Variants in INVS observed in about 807,000 individuals in gnomAD.
The protein encoded by INVS is inversion of embryo turning homolog.
In INVS, 86 loss-of-function variants were observed where a neutral mutation model predicts 108.8. That is an observed-to-expected ratio of 0.79 (90% CI 0.66 to 0.95). The LOEUF (loss-of-function observed/expected upper bound fraction) is 0.95, where lower values mean the gene tolerates loss of function less well. Ranked by LOEUF, INVS falls within the 40% of genes least tolerant of loss-of-function variation. INVS has a pLI of 0.00. For synonymous variants in INVS, 455 were observed against 473.5 expected (o/e 0.96, Z 0.51); for missense variants, 1,169 against 1,297.4 (o/e 0.90, Z 1.52).
chr9:100,166,501 C>A (rs1276291128), intron 3 of INVS, among the ~76,000 whole-genome samples: 1 of 151,932 alleles, frequency 6.6e-6, no homozygotes, highest in African/African-American at 2.4e-5. Flanking sequence ...CTAGCCTGGG[C>A]AAGAGAATGA....
chr9:100,146,853 G>A lies in INVS; in HGVS notation c.273+20304G>A, dbSNP rs534513118. Among the ~76,000 whole-genome samples, 4 of 152,130 alleles carry A rather than the reference G, an allele frequency of 2.6e-5. No individual in the cohort carries two copies. In the South Asian group the frequency reaches 8.3e-4, roughly 32 times the overall value. ...GCAATTTATTTATTCCTTCATCCAA[G>A]TGCTGTTTCCACTATTGTGAATAGT... On this transcript the variant is annotated intron_variant, in intron 3 of 16. Transcript: ENST00000262457.
In INVS at chr9:100,240,922, C is replaced by T. The variant is rs532767925; in HGVS notation, c.796+682C>T. ...GATGTTGTTATTTGATTTTGAATTG[C>T]CTAATGTTTTAGGAGGGTTTAGGAG... On this transcript the variant is annotated intron_variant, in intron 6 of 16. Transcript: ENST00000262457. Among the ~76,000 whole-genome samples the T allele has an allele frequency of 1.4e-4, 21 of 151,984 alleles. No individual in the cohort carries two copies. The South Asian group carries it at 1.5e-3, about 11-fold the overall frequency.
chr9:100,198,734 G>A (rs1017767973), intron 3 of INVS, among the ~76,000 whole-genome samples: 1 of 150,980 alleles, frequency 6.6e-6, no homozygotes, highest in Non-Finnish European at 1.5e-5. Context: ...CTGGGACTAC[G>A]GGCATGCACC....
chr9:100,229,903 T>G (rs1831452327), intron 5 of INVS, 76 bp downstream of exon 5: 1 of 1,411,694 alleles, frequency 7.1e-7, no homozygotes. Flanking sequence ...TATACAAAAG[T>G]GTATATTTGA....
chr9:100,139,956 T>C (rs578014186), intron 3 of INVS, among the ~76,000 whole-genome samples: 1 of 152,188 alleles, frequency 6.6e-6, no homozygotes, highest in Non-Finnish European at 1.5e-5. Context: ...ATAACCACTT[T>C]AAAGTGAGCA....
intron 14 of INVS, among the ~76,000 whole-genome samples, chr9:100,296,544 T>C (rs917401275): frequency 6.6e-6 from 1 of 152,184 alleles, no homozygotes; most frequent in African/African-American, 2.4e-5. Context: ...TCTTTTAAAA[T>C]CCAGCACAAA....
At chr9:100,288,530 T>A (rs1355419315) in intron 13 of INVS, among the ~76,000 whole-genome samples, 2 of 152,258 alleles carry the variant, frequency 1.3e-5, no homozygotes, top group East Asian at 3.9e-4. Flanking sequence ...AAAATGCCCT[T>A]GAGATTCTTA....
rs1300032589 is a variant in INVS, at chr9:100,226,224, G to A, written c.436G>A (p.Asp146Asn). The change falls in exon 4 of 17, where the codon GAT (aspartate) becomes AAT (asparagine). Residue 146 changes from aspartate to asparagine, a missense_variant. Asp to Asn is a conservative substitution (Grantham distance 23). Coordinates refer to ENST00000262457, the MANE Select transcript of INVS (RefSeq NM_014425.5). ...FMAPGEVDTQ[D>N]KNKQTALHWS... ...GGCACCAGGAGAAGTGGATACACAG[G>A]ATAAAAACAAGGTAATGGATACTCA... 8 of 1,613,822 alleles carry A rather than the reference G, an allele frequency of 5.0e-6. No homozygotes were observed. The highest frequency in any genetic ancestry group is 5.9e-6 in the Non-Finnish European group (7 of 1,179,898).
chr9:100,215,566 C>A (rs1246596300), intron 3 of INVS: 2 of 152,198 alleles, frequency 1.3e-5, no homozygotes, highest in Non-Finnish European at 2.9e-5. Context: ...ATTCCAGATA[C>A]CTGAGGATGG....
intron 14 of INVS, 49 bp downstream of exon 14, chr9:100,293,092 T>A: frequency 1.3e-6 from 2 of 1,518,574 alleles, no homozygotes; most frequent in Non-Finnish European, 1.8e-6. Flanking sequence ...TTACTGATAT[T>A]CTCAACATGA....
chr9:100,280,097 C>A (rs1190530552), intron 12 of INVS, among the ~76,000 whole-genome samples: 1 of 152,108 alleles, frequency 6.6e-6, no homozygotes, highest in East Asian at 1.9e-4. Context: ...TTCTTTTTAG[C>A]CCTTTTCTTG....
intron 11 of INVS, among the ~76,000 whole-genome samples, chr9:100,265,133 T>C (rs1832750571): frequency 6.6e-6 from 1 of 151,932 alleles, no homozygotes; most frequent in African/African-American, 2.4e-5. Flanking sequence ...TTAGTAGAGA[T>C]GGGGTTTCAC....
chr9:100,239,689 C>T (rs1022248403), intron 5 of INVS, among the ~76,000 whole-genome samples: 2 of 151,984 alleles, frequency 1.3e-5, no homozygotes, highest in Non-Finnish European at 2.9e-5. Context: ...ATTCCTGTGC[C>T]AGGCTGGGCA....
chr9:100,192,492 A>G (rs376621959), intron 3 of INVS, among the ~76,000 whole-genome samples: 43 of 152,166 alleles, frequency 2.8e-4, no homozygotes, highest in African/African-American at 8.9e-4. Context: ...ATTATGAGAG[A>G]ATCTTATGAA....
chr9:100,249,648 C>G (rs1400378726), intron 8 of INVS, among the ~76,000 whole-genome samples: 4 of 151,906 alleles, frequency 2.6e-5, no homozygotes, highest in Non-Finnish European at 4.4e-5. Context: ...GTGCCCACCA[C>G]TATGCTGGCT....
chr9:100,247,125 G>C (rs1588119108), intron 8 of INVS, among the ~76,000 whole-genome samples: 1 of 150,314 alleles, frequency 6.7e-6, no homozygotes, highest in Admixed American at 6.6e-5. Flanking sequence ...TCCATATTTA[G>C]TAGTCATGAA....
intron 3 of INVS, among the ~76,000 whole-genome samples, chr9:100,180,379 C>T (rs1261990867): frequency 6.6e-6 from 1 of 150,716 alleles, no homozygotes; most frequent in Non-Finnish European, 1.5e-5. Flanking sequence ...GGTAGACCAC[C>T]ACCCAGACTA....
chr9:100,247,786 A>G (rs966177060), intron 8 of INVS, among the ~76,000 whole-genome samples: 1 of 152,120 alleles, frequency 6.6e-6, no homozygotes, highest in Non-Finnish European at 1.5e-5. Flanking sequence ...TTCTCTATGA[A>G]AGCCTTACAG....
At chr9:100,154,694 T>C (rs1173529880) in intron 3 of INVS, among the ~76,000 whole-genome samples, 1 of 152,000 alleles carries the variant, frequency 6.6e-6, no homozygotes, top group Non-Finnish European at 1.5e-5. Context: ...AAAAGTAAGG[T>C]GCTAAAGAGC....
Sources: gnomAD v4.1 joint callset for allele counts (sites outside exome capture counted in the v4.1 genomes callset) on GRCh38, gnomAD v4.1.1 for gene constraint, MANE v1.5 for transcripts, NCBI Gene and HGNC (gene_info 2026-07-23, HGNC 2026-07-21) for gene names.